The following EMB variants were observed in gnomAD, a reference collection of about 807,000 sequenced individuals.
The protein encoded by EMB is embigin, also known as embigin homolog.
Under a neutral mutation model 41.4 loss-of-function variants are expected in EMB, and 31 were observed. The ratio of observed to expected loss-of-function variants is 0.75; its 90% CI spans 0.56 to 1.01. The LOEUF (loss-of-function observed/expected upper bound fraction) is 1.01. Ranked by LOEUF, EMB falls within the 50% of genes least tolerant of loss-of-function variation. The pLI, the probability that EMB is intolerant of heterozygous loss-of-function variation, is 0.00. For missense variants in EMB, 379 were observed against 388.3 expected, an observed-to-expected ratio of 0.98 and a Z score of 0.20; for synonymous variants, 137 against 140.4, an observed-to-expected ratio of 0.98 and a Z score of 0.17.
Position 50,441,021 on chromosome 5 carries a change from G to GACCCTGT in EMB, c.112+12_112+18dup. ...CGCGCCCTCCGCCCTCCCTACCCTG[G>GACCCTGT]ACCCTGTACCCATCACACCTGGGGC... On this transcript the variant is annotated intron_variant, in intron 1 of 8. Transcript: ENST00000303221. 1 of 1,394,130 alleles carries GACCCTGT rather than the reference G, an allele frequency of 7.2e-7. No individual in the cohort carries two copies. Among genetic ancestry groups the GACCCTGT allele is most frequent in the Non-Finnish European group, 9.4e-7 (1 of 1,061,056 alleles). The allele number at this position is 1,394,130 out of a possible 1,614,324, so 86.4% of individuals were successfully genotyped here.
intron 2 of EMB, among the ~76,000 whole-genome samples, chr5:50,421,307 C>T (rs1162712292): frequency 6.6e-6 from 1 of 152,172 alleles, no homozygotes; most frequent in Admixed American, 6.5e-5. Context: ...CTCATCATCA[C>T]TGGCCATCAG....
chr5:50,436,156 TATA>T (rs1308862443), intron 1 of EMB, among the ~76,000 whole-genome samples: 2 of 152,138 alleles, frequency 1.3e-5, no homozygotes, highest in African/African-American at 4.8e-5. Flanking sequence ...ACATACAACT[TATA>T]ATGTATATCA....
chr5:50,401,226 T>C (rs1262252967), intron 7 of EMB, among the ~76,000 whole-genome samples: 5 of 152,024 alleles, frequency 3.3e-5, no homozygotes, highest in Non-Finnish European at 5.9e-5. Context: ...CTGATGTAGT[T>C]ATTTTGTGCC....
Position 50,403,405 on chromosome 5 carries a change from G to A in EMB, c.650C>T (p.Ala217Val), listed in dbSNP as rs1337922248. The A allele has an allele frequency of 2.5e-6, 4 of 1,612,352 alleles. No homozygotes were observed. The African/African-American group carries it at 4.0e-5, about 16-fold the overall frequency. Residue 217 changes from alanine to valine, a missense_variant, in exon 6 of 9, where the codon GCT becomes GTT. By Grantham distance (64) the Ala-to-Val change is moderately conservative. Transcript: ENST00000303221. The stretch of plus-strand genomic sequence containing the variant: ...TGTTATCTTCAGCTTTGTTTCGTTA[G>A]CATATGTTCCATTGATCACATATTT... ...MNKYVINGTY[A>V]NETKLKITQL...
chr5:50,424,099 G>A (rs1745569498), intron 2 of EMB, among the ~76,000 whole-genome samples: 1 of 151,892 alleles, frequency 6.6e-6, no homozygotes, highest in African/African-American at 2.4e-5. Flanking sequence ...CAAATATCTT[G>A]GCAACAAACA....
chr5:50,416,312 A>G (rs1745431046), intron 2 of EMB, among the ~76,000 whole-genome samples: 1 of 152,210 alleles, frequency 6.6e-6, no homozygotes, highest in Admixed American at 6.5e-5. Context: ...ACGTATTTTC[A>G]AGACTGTTCT....
intron 2 of EMB, among the ~76,000 whole-genome samples, chr5:50,427,489 C>CATT (rs36061609): frequency 0.13 from 19,312 of 149,412 alleles, 1,312 homozygotes; most frequent in East Asian, 0.16. Context: ...TAAATGAAGA[C>CATT]ATTATTATTA....
chr5:50,429,130 G>A (rs1322302088), intron 1 of EMB, among the ~76,000 whole-genome samples: 3 of 152,108 alleles, frequency 2.0e-5, no homozygotes, highest in Admixed American at 2.0e-4. Context: ...TCTTAACCTC[G>A]TGATCCGCCC....
rs1745241095 is a variant in EMB at position 50,405,884 on chromosome 5, G to A, written c.473-32C>T. 7.7e-6 allele frequency: 12 copies of A among 1,557,598 alleles called. No homozygotes were observed. The East Asian group carries it at 2.8e-4, about 36-fold the overall frequency. On this transcript the variant is annotated intron_variant, in intron 4 of 8. Coordinates refer to ENST00000303221, the MANE Select transcript of EMB (RefSeq NM_198449.3). ...ATAAAATAGAGAAATGTATGTTACT[G>A]AAAGAGTTTAGGTAAAGGAAATGTA...
intron 4 of EMB, among the ~76,000 whole-genome samples, chr5:50,406,450 AT>A (rs1745250826): frequency 1.3e-5 from 2 of 151,858 alleles, no homozygotes; most frequent in Admixed American, 6.6e-5. Flanking sequence ...ATTATGATAA[AT>A]TTCCTAGTCA....
chr5:50,440,878 C>G (rs1043391807), intron 1 of EMB, among the ~76,000 whole-genome samples, 162 bp downstream of exon 1: 5 of 152,138 alleles, frequency 3.3e-5, no homozygotes, highest in Admixed American at 6.5e-5. Flanking sequence ...ACAAACGTAG[C>G]TAATGGGAGG....
At chr5:50,402,203 C>A in intron 7 of EMB, 83 bp downstream of exon 7, 3 of 1,446,348 alleles carry the variant, frequency 2.1e-6, no homozygotes, top group Non-Finnish European at 2.9e-6. Flanking sequence ...CTTTTCTCCC[C>A]CTAACTGCAA....
Position 50,406,775 on chromosome 5 carries a change from G to A in EMB, c.473-923C>T, listed in dbSNP as rs542911318. Among the ~76,000 whole-genome samples, 17 of 152,010 alleles carry A rather than the reference G, an allele frequency of 1.1e-4. 1 individual carries two copies. The highest frequency in any genetic ancestry group is 8.3e-4 in the South Asian group (4 of 4,824). ...GTTTTGTGTGTGTGTGCGCACATGC[G>A]TGTGTTTGTCTGTTTACTTTTTTCA... On this transcript the variant is annotated intron_variant, in intron 4 of 8. Coordinates refer to ENST00000303221, the MANE Select transcript of EMB (RefSeq NM_198449.3).
chr5:50,399,899 C>A lies in EMB; in HGVS notation c.926G>T (p.Ser309Ile). Reference protein sequence around the residue: ...EQIEQLKSDDSNGIENNVPRH... With the variant: ...EQIEQLKSDDINGIENNVPRH... ...GGGGACATTATTTTCTATACCATTG[C>A]TATCATCTGATTTCCTGCACAGAAA... Residue 309 changes from serine to isoleucine, a missense_variant, in exon 8 of 9, where the codon AGC becomes ATC. Physicochemically the swap from Ser to Ile is moderately radical, Grantham distance 142. Transcript: ENST00000303221. 3 of 1,603,466 alleles carry A rather than the reference C, an allele frequency of 1.9e-6. No homozygotes were observed. Among genetic ancestry groups the A allele is most frequent in the Non-Finnish European group, 2.6e-6 (3 of 1,175,404 alleles).
chr5:50,429,263 T>C (rs540635559), intron 1 of EMB, among the ~76,000 whole-genome samples: 2 of 152,352 alleles, frequency 1.3e-5, no homozygotes, highest in African/African-American at 4.8e-5. Flanking sequence ...TACTCAAATA[T>C]ATCAAAGAAG....
In EMB at chr5:50,397,248, A is replaced by G. The variant is rs1377612928; in HGVS notation, c.*2025T>C. The stretch of plus-strand genomic sequence containing the variant: ...GATTGGTTAATGGAAGCAGATTAAA[A>G]TCCAACAGTGGTAATTTTCTGGAAG... On this transcript the variant is annotated 3_prime_UTR_variant, in exon 9 of 9. Transcript: ENST00000303221. 6.6e-6 allele frequency: 1 copy of G among 152,156 alleles called. No homozygotes were observed. Among genetic ancestry groups the G allele is most frequent in the Non-Finnish European group, 1.5e-5 (1 of 68,014 alleles). The allele number at this position is 152,156 out of a possible 1,614,324, so 9.4% of individuals were successfully genotyped here. A position where few individuals can be genotyped will look rare whatever the true frequency, so the allele number is the denominator to read the frequency against.
In EMB at chr5:50,433,002, C is replaced by T. The variant is rs182786407; in HGVS notation, c.113-4775G>A. On this transcript the variant is annotated intron_variant, in intron 1 of 8. Transcript: ENST00000303221. ...CTGAGACAGGAGAATTGCTTGAACC[C>T]GGCAGTCGGAGGTTGCAGTGAGCTG... Among the ~76,000 whole-genome samples, 240 of 151,954 alleles carry T rather than the reference C, an allele frequency of 1.6e-3. 4 individuals carry two copies. Among genetic ancestry groups the T allele is most frequent in the African/African-American group, 5.0e-3 (206 of 41,460 alleles).
intron 1 of EMB, among the ~76,000 whole-genome samples, chr5:50,438,737 A>T (rs186794065): frequency 6.6e-5 from 10 of 152,264 alleles, no homozygotes; most frequent in African/African-American, 2.4e-4. Flanking sequence ...TCTGGCTTAA[A>T]TTCGATGCTA....
intron 2 of EMB, among the ~76,000 whole-genome samples, chr5:50,413,068 A>ACG (rs1194614990): frequency 6.6e-6 from 1 of 152,096 alleles, no homozygotes; most frequent in Non-Finnish European, 1.5e-5. Flanking sequence ...ACACGCGCCC[A>ACG]CGCGCACACA....
Sources: gnomAD v4.1 joint callset for allele counts (sites outside exome capture counted in the v4.1 genomes callset) on GRCh38, gnomAD v4.1.1 for gene constraint, MANE v1.5 for transcripts, NCBI Gene and HGNC (gene_info 2026-07-23, HGNC 2026-07-21) for gene names.